ATAD2: variants seen among roughly 807,000 people sequenced by gnomAD.
The protein encoded by ATAD2 is ATPase family AAA domain containing 2.
In ATAD2, 62 loss-of-function variants were observed where a neutral mutation model predicts 168.9. The ratio of observed to expected loss-of-function variants is 0.37; its 90% CI spans 0.30 to 0.45. The LOEUF is 0.45. Among genes scored for constraint, ATAD2 ranks in the 20% least tolerant of loss-of-function variants. ATAD2 has a pLI of 1.00. For synonymous variants in ATAD2, 613 were observed against 571.6 expected, an observed-to-expected ratio of 1.07 and a Z score of -1.03; for missense variants, 1,419 against 1,667.8, an observed-to-expected ratio of 0.85 and a Z score of 2.60.
intron 11 of ATAD2, among the ~76,000 whole-genome samples, 164 bp downstream of exon 11, chr8:123,359,057 T>G (rs1828732220): frequency 6.6e-6 from 1 of 152,162 alleles, no homozygotes; most frequent in South Asian, 2.1e-4. Context: ...AAAAGTTTAT[T>G]TAAATTACTG....
At chr8:123,356,522 A>C in intron 12 of ATAD2, 45 bp from the exon 13 acceptor site, 43 of 1,354,440 alleles carry the variant, frequency 3.2e-5, no homozygotes, top group East Asian at 4.8e-5. Flanking sequence ...AAACAGCCTC[A>C]AACACGTAGA....
chr8:123,350,740 T>C (rs1347062744), intron 13 of ATAD2, among the ~76,000 whole-genome samples: 1 of 152,020 alleles, frequency 6.6e-6, no homozygotes, highest in Non-Finnish European at 1.5e-5. Flanking sequence ...TTTCTTTTTT[T>C]TTGAGACAGA....
rs1486993406 is a variant in ATAD2 at position 123,333,942 on chromosome 8, T to C, written c.3414A>G (p.Arg1138=). The C allele has an allele frequency of 1.2e-6, 2 of 1,614,182 alleles. No homozygotes were observed. Among genetic ancestry groups the C allele is most frequent in the East Asian group, 2.2e-5 (1 of 44,880 alleles). Residue 1138 remains arginine, a synonymous_variant, in exon 24 of 28, where the codon AGA becomes AGG. Transcript: ENST00000287394. ...GCTTTTCATTCTGCTCTGGGTCTGATCTTTTATCACCAACAAGAGTGGAAT... is the reference window on the plus strand; with the variant it reads ...GCTTTTCATTCTGCTCTGGGTCTGACCTTTTATCACCAACAAGAGTGGAAT... ...KQNSTLVGDK[R]SDPEQNEKLK...
At chr8:123,325,219 C>A (rs894425188) in intron 26 of ATAD2, among the ~76,000 whole-genome samples, 1 of 150,868 alleles carries the variant, frequency 6.6e-6, no homozygotes, top group East Asian at 1.9e-4. Context: ...TCTCAGCCTC[C>A]CCAGTAGGCT....
chr8:123,366,531 G>A (rs963251111), intron 8 of ATAD2, among the ~76,000 whole-genome samples: 8 of 152,136 alleles, frequency 5.3e-5, no homozygotes, highest in African/African-American at 1.9e-4. Flanking sequence ...TCAATTGAGT[G>A]GACTACTACT....
At chr8:123,395,887 G>C (rs937169503) in intron 1 of ATAD2, among the ~76,000 whole-genome samples, 1 of 152,200 alleles carries the variant, frequency 6.6e-6, no homozygotes, top group Admixed American at 6.5e-5. Context: ...GGTCGTGCGG[G>C]CGGCCGAACA....
chr8:123,348,079 T>G, intron 15 of ATAD2, 104 bp downstream of exon 15: 1 of 937,176 alleles, frequency 1.1e-6, no homozygotes, highest in Non-Finnish European at 1.6e-6. Flanking sequence ...TGCCATTACT[T>G]TTACAGGCAA....
chr8:123,382,655 C>G (rs1250877907), intron 1 of ATAD2, among the ~76,000 whole-genome samples: 1 of 152,206 alleles, frequency 6.6e-6, no homozygotes. Flanking sequence ...GAGATACCAG[C>G]TCACACCAGT....
intron 13 of ATAD2, among the ~76,000 whole-genome samples, chr8:123,355,054 T>C (rs57343091): frequency 0.028 from 4,220 of 151,582 alleles, 178 homozygotes; most frequent in African/African-American, 0.096. Context: ...ATGAATATAG[T>C]GTGACTGATA....
At chr8:123,380,491 A>G in intron 2 of ATAD2, 38 bp downstream of exon 2, 1 of 1,602,458 alleles carries the variant, frequency 6.2e-7, no homozygotes. Flanking sequence ...TACTGCTTTA[A>G]AACTATTTTG....
chr8:123,401,872 G>A, intron 1 of ATAD2: 2 of 763,884 alleles, frequency 2.6e-6, no homozygotes, highest in Non-Finnish European at 2.4e-6. Context: ...AGGAGGATAA[G>A]GTGAAGATCA....
At chr8:123,379,964 G>A (rs1286988856) in intron 2 of ATAD2, among the ~76,000 whole-genome samples, 2 of 149,666 alleles carry the variant, frequency 1.3e-5, no homozygotes, top group Non-Finnish European at 3.0e-5. Flanking sequence ...TCCGCTCACT[G>A]CAACCTCCAC....
At chr8:123,392,721 C>G (rs1222212169) in intron 1 of ATAD2, among the ~76,000 whole-genome samples, 1 of 151,730 alleles carries the variant, frequency 6.6e-6, no homozygotes, top group Non-Finnish European at 1.5e-5. Flanking sequence ...ATTAAAGAAG[C>G]AGCTATGCCA....
At chr8:123,386,607 A>ATGTGAATG (rs762905401) in intron 1 of ATAD2, among the ~76,000 whole-genome samples, 73 of 152,282 alleles carry the variant, frequency 4.8e-4, no homozygotes, top group Non-Finnish European at 6.9e-4. Flanking sequence ...TTGCAGAACA[A>ATGTGAATG]TGTGAATGTA....
intron 1 of ATAD2, among the ~76,000 whole-genome samples, chr8:123,410,943 A>T (rs887590837): frequency 2.0e-5 from 3 of 152,206 alleles, no homozygotes; most frequent in Non-Finnish European, 2.9e-5. Flanking sequence ...ATCGAGCTGA[A>T]CACTAGTCAC....
At chr8:123,373,086 G>A (rs1829197359) in intron 2 of ATAD2, among the ~76,000 whole-genome samples, 1 of 151,500 alleles carries the variant, frequency 6.6e-6, no homozygotes, top group African/African-American at 2.4e-5. Context: ...TAGAGACGAG[G>A]TTTCACCATG....
At chr8:123,348,451 T>C (rs1586872015) in intron 14 of ATAD2, among the ~76,000 whole-genome samples, 178 bp from the exon 15 acceptor site, 1 of 152,042 alleles carries the variant, frequency 6.6e-6, no homozygotes. Flanking sequence ...CCGAGGCAGG[T>C]GGATCACTTG....
rs747237105 is a variant in ATAD2 at position 123,359,584 on chromosome 8, T to A, written c.1259A>T (p.Asp420Val). 2 of 1,608,420 alleles carry A rather than the reference T, an allele frequency of 1.2e-6. No individual in the cohort carries two copies. Among genetic ancestry groups the A allele is most frequent in the South Asian group, 2.2e-5 (2 of 90,624 alleles). ...SLADVDPMQL[D>V]SSVRFDSVGG... ...TCAAAACAGAGTACTCACTGAAGAA[T>A]CTAGTTGCATTGGATCAACATCGGC... is the stretch of plus-strand genomic sequence containing the variant. Residue 420 changes from aspartate to valine, a missense_variant, in exon 10 of 28, where the codon GAT becomes GTT. By Grantham distance (152) the Asp-to-Val change is radical. Transcript: ENST00000287394.
chr8:123,348,585 G>A (rs1586872178), intron 14 of ATAD2, among the ~76,000 whole-genome samples: 1 of 152,182 alleles, frequency 6.6e-6, no homozygotes, highest in Non-Finnish European at 1.5e-5. Flanking sequence ...TCTGAGGCAC[G>A]AGAATTGCTT....
Sources: allele counts gnomAD v4.1 joint callset (sites outside exome capture counted in the v4.1 genomes callset), GRCh38; gene constraint gnomAD v4.1.1; transcripts MANE v1.5; gene names NCBI Gene and HGNC (gene_info 2026-07-23, HGNC 2026-07-21).